POMT2: variants seen among roughly 807,000 people sequenced by gnomAD.
POMT2 encodes the protein protein O-mannosyltransferase 2, also known as protein O-mannosyl-transferase 2.
POMT2 carries 75 observed loss-of-function variants against 100.0 expected under a neutral mutation model. That is an observed-to-expected ratio of 0.75 (90% confidence interval 0.62 to 0.91). The LOEUF (loss-of-function observed/expected upper bound fraction) is 0.91. Ranked by LOEUF, POMT2 falls within the 40% of genes least tolerant of loss-of-function variation. The pLI is 0.00. For synonymous variants in POMT2, 378 were observed against 374.1 expected (o/e 1.01, Z -0.12); for missense variants, 940 against 955.1 (o/e 0.98, Z 0.21).
intron 13 of POMT2, 39 bp from the exon 14 acceptor site, chr14:77,285,080 G>A (rs1180981661): frequency 1.1e-5 from 17 of 1,511,394 alleles, no homozygotes; most frequent in Non-Finnish European, 1.4e-5. Context: ...CTCAGAAGAC[G>A]TGAAATCCAC....
At chr14:77,320,366 G>A in intron 1 of POMT2, 68 bp downstream of exon 1, 1 of 1,540,494 alleles carries the variant, frequency 6.5e-7, no homozygotes, top group Non-Finnish European at 8.7e-7. Context: ...CCGTACCCTC[G>A]GGCCAATCAG....
intron 10 of POMT2, among the ~76,000 whole-genome samples, chr14:77,290,542 A>T (rs1890600969): frequency 1.3e-5 from 2 of 152,208 alleles, no homozygotes; most frequent in African/African-American, 4.8e-5. Context: ...TTTGCTGAGG[A>T]GTCACAGAGA....
At chr14:77,283,918 T>C (rs1166018154) in intron 14 of POMT2, 45 bp from the exon 15 acceptor site, 11 of 1,486,802 alleles carry the variant, frequency 7.4e-6, no homozygotes, top group Non-Finnish European at 1.0e-5. Flanking sequence ...CATACATTCT[T>C]TCCTCAGTCT....
In POMT2 at chr14:77,291,771, G is replaced by T. The variant is rs1488223977; in HGVS notation, c.1117-391C>A. Among the ~76,000 whole-genome samples the T allele has an allele frequency of 3.3e-5, 5 of 152,334 alleles. No homozygotes were observed. In the South Asian group the frequency reaches 8.3e-4, roughly 25 times the overall value. The stretch of plus-strand genomic sequence containing the variant: ...ATTAAGGCCGGGTGTGGTGGCTCAT[G>T]CCTGTAATCCCAGCACTTTGGGAAG... On this transcript the variant is annotated intron_variant, in intron 9 of 20. Transcript: ENST00000261534.
chr14:77,279,962 C>T (rs774193734), intron 17 of POMT2, 34 bp from the exon 18 acceptor site: 1 of 1,614,170 alleles, frequency 6.2e-7, no homozygotes, highest in South Asian at 1.1e-5. Flanking sequence ...GATGAGAACG[C>T]AGCCGCTCTC....
chr14:77,285,345 A>C (rs58212324), intron 13 of POMT2, 136 bp downstream of exon 13: 2 of 1,189,484 alleles, frequency 1.7e-6, no homozygotes, highest in Middle Eastern at 2.8e-4. Flanking sequence ...CCTGATATCT[A>C]CTCTCCCTCC....
chr14:77,313,461 A>T (rs145635179), intron 1 of POMT2, among the ~76,000 whole-genome samples: 1 of 152,214 alleles, frequency 6.6e-6, no homozygotes, highest in East Asian at 1.9e-4. Context: ...AAAATCACTT[A>T]TTCTCTCTAG....
In POMT2 at chr14:77,296,239, G is replaced by C. The variant is rs1432956587; in HGVS notation, c.1041C>G (p.Asn347Lys). The C allele has an allele frequency of 6.2e-7, 1 of 1,607,694 alleles. No homozygotes were observed. The highest frequency in any genetic ancestry group is 8.5e-7 in the Non-Finnish European group (1 of 1,177,648). ...LAYGSVITVK[N>K]LRMAIGYLHS... ...GCAGATAGCCGATGGCCATCCGGAG[G>C]TTCTTCACAGTGATCACAGAGCCGT... The change falls in exon 9 of 21, where the codon AAC becomes AAG. Residue 347 changes from asparagine to lysine, a missense_variant. Coordinates refer to ENST00000261534, the MANE Select transcript of POMT2 (RefSeq NM_013382.7).
chr14:77,303,205 C>T (rs1891113722), intron 4 of POMT2, among the ~76,000 whole-genome samples: 2 of 152,098 alleles, frequency 1.3e-5, no homozygotes, highest in East Asian at 1.9e-4. Flanking sequence ...CATTCGCTCC[C>T]TCAGACCAGC....
Position 77,280,476 on chromosome 14 carries a change from A to G in POMT2, c.1654-13T>C. 1 of 1,614,194 alleles carries G rather than the reference A, an allele frequency of 6.2e-7. No individual in the cohort carries two copies. The highest frequency in any genetic ancestry group is 1.1e-5 in the South Asian group (1 of 91,090). ...GGCCACTGTTCCCCTGCATGAAGGT[A>G]GCAAAGAAAGCTAGTCAAGACAGAG... On this transcript the variant is annotated splice_polypyrimidine_tract_variant and intron_variant, in intron 15 of 20. Transcript: ENST00000261534.
intron 2 of POMT2, among the ~76,000 whole-genome samples, chr14:77,309,708 A>C (rs1891370879): frequency 6.6e-6 from 1 of 152,034 alleles, no homozygotes; most frequent in South Asian, 2.1e-4. Context: ...TTTGAGATGG[A>C]GTCTTGCTCA....
chr14:77,281,604 C>T (rs1377615195), intron 15 of POMT2, among the ~76,000 whole-genome samples: 1 of 152,168 alleles, frequency 6.6e-6, no homozygotes, highest in Non-Finnish European at 1.5e-5. Flanking sequence ...CTGGGACAGA[C>T]TGAAAAGGCA....
intron 6 of POMT2, 42 bp from the exon 7 acceptor site, chr14:77,299,603 C>T (rs1462316899): frequency 2.1e-6 from 3 of 1,413,740 alleles, no homozygotes; most frequent in South Asian, 2.3e-5. Context: ...CATGTGAGAC[C>T]TCATTATTCC....
At chr14:77,295,392 G>A (rs1023525101) in intron 9 of POMT2, among the ~76,000 whole-genome samples, 15 of 152,120 alleles carry the variant, frequency 9.9e-5, no homozygotes, top group African/African-American at 3.6e-4. Context: ...CAGCACTTTG[G>A]GAGGCCGAGG....
intron 12 of POMT2, 42 bp from the exon 13 acceptor site, chr14:77,285,674 G>A: frequency 6.3e-7 from 1 of 1,585,504 alleles, no homozygotes; most frequent in Non-Finnish European, 8.7e-7. Context: ...AAAGTGAGGG[G>A]ACTTTAGAGA....
chr14:77,302,218 G>C (rs1424757402), intron 5 of POMT2, among the ~76,000 whole-genome samples: 1 of 152,184 alleles, frequency 6.6e-6, no homozygotes, highest in East Asian at 1.9e-4. Flanking sequence ...AGAAGTAGAA[G>C]GATGATCTGG....
chr14:77,306,179 CT>C, intron 3 of POMT2, 157 bp downstream of exon 3: 1 of 1,296,926 alleles, frequency 7.7e-7, no homozygotes, highest in Admixed American at 2.1e-5. Context: ...TTCTGAGTAT[CT>C]ACACCACAGG....
At chr14:77,288,981 T>C (rs929164334) in intron 10 of POMT2, 150 bp from the exon 11 acceptor site, 2 of 711,998 alleles carry the variant, frequency 2.8e-6, no homozygotes, top group African/African-American at 3.5e-5. Flanking sequence ...GACCCCTAAA[T>C]TGCTTCAGGG....
chr14:77,289,776 C>G (rs1890574312), intron 10 of POMT2, among the ~76,000 whole-genome samples: 1 of 152,146 alleles, frequency 6.6e-6, no homozygotes, highest in South Asian at 2.1e-4. Flanking sequence ...TCTGTATCAT[C>G]TCAAAATCAA....
Sources: gnomAD v4.1 joint callset for allele counts (sites outside exome capture counted in the v4.1 genomes callset) on GRCh38, gnomAD v4.1.1 for gene constraint, MANE v1.5 for transcripts, NCBI Gene and HGNC (gene_info 2026-07-23, HGNC 2026-07-21) for gene names.